The following PI4K2A variants were observed in gnomAD, a reference collection of about 807,000 sequenced individuals.
PI4K2A encodes phosphatidylinositol 4-kinase type 2 alpha.
A neutral mutation model predicts 55.0 loss-of-function variants in PI4K2A; 20 were observed. The observed-to-expected ratio is 0.36, with a 90% CI of 0.26 to 0.53. PI4K2A has a LOEUF of 0.53. PI4K2A is among the 20% of genes least tolerant of loss of function. The probability of loss-of-function intolerance (pLI) is 0.91; values close to 1 mark genes in which losing one functional copy is unlikely to be tolerated. For missense variants in PI4K2A, 463 were observed against 637.1 expected, an observed-to-expected ratio of 0.73 and a Z score of 2.94; for synonymous variants, 235 against 258.5, an observed-to-expected ratio of 0.91 and a Z score of 0.87.
chr10:97,656,150 G>T lies in PI4K2A; in HGVS notation c.637-135G>T. The T allele has an allele frequency of 1.4e-6, 1 of 717,280 alleles. No homozygotes were observed. The highest frequency in any genetic ancestry group is 2.3e-6 in the Non-Finnish European group (1 of 433,630). 44.4% of individuals were successfully genotyped at this position (717,280 alleles called of 1,614,324 possible). A position where few individuals can be genotyped will look rare whatever the true frequency, so the allele number is the denominator to read the frequency against. On this transcript the variant is annotated intron_variant, in intron 2 of 8. Coordinates refer to ENST00000370631, the Ensembl canonical transcript of PI4K2A. This position sits in a 1 kb window ranked among gnomAD's most constrained non-coding sequence, Gnocchi z 4.5. Reference sequence around the variant, plus strand: ...TCTTCCCTCTCCTAGTTGCTGGGAAGGCTGAGAAATGTATTCTTTCTGTGC... The same window carrying T: ...TCTTCCCTCTCCTAGTTGCTGGGAATGCTGAGAAATGTATTCTTTCTGTGC...
chr10:97,640,741 G>A (rs766373191), exon 1 of PI4K2A: 4 of 1,499,206 alleles, frequency 2.7e-6, no homozygotes, highest in South Asian at 2.5e-5. Context: ...GCTGTCTGAG[G>A]GATGGACGAG....
chr10:97,661,238 A>G (rs1383877096), intron 4 of PI4K2A, among the ~76,000 whole-genome samples: 1 of 151,748 alleles, frequency 6.6e-6, no homozygotes, highest in African/African-American at 2.4e-5. Flanking sequence ...TGATCCGCCC[A>G]CCTCGGCCTC....
At chr10:97,651,521 C>T (rs778214397) in intron 2 of PI4K2A, among the ~76,000 whole-genome samples, 42 of 152,200 alleles carry the variant, frequency 2.8e-4, no homozygotes, top group Non-Finnish European at 4.9e-4. Context: ...TGGCTGATGA[C>T]AGCTAAGAAC....
intron 4 of PI4K2A, 105 bp downstream of exon 4, chr10:97,657,079 C>T: frequency 1.8e-6 from 2 of 1,093,128 alleles, no homozygotes; most frequent in South Asian, 1.4e-5. Flanking sequence ...TGTCCAGACA[C>T]ATCATGTGTA....
intron 8 of PI4K2A, among the ~76,000 whole-genome samples, chr10:97,671,114 G>C (rs1176042181): frequency 6.6e-6 from 1 of 151,348 alleles, no homozygotes; most frequent in Non-Finnish European, 1.5e-5. Flanking sequence ...TCCAGCCTGG[G>C]CAAGAAGAGC....
At chr10:97,674,374 C>T (rs538183710) in exon 9 of PI4K2A, 12 of 152,408 alleles carry the variant, frequency 7.9e-5, no homozygotes, top group African/African-American at 2.9e-4. Context: ...AACAGTTCTC[C>T]TGGAAGGGAG....
intron 1 of PI4K2A, among the ~76,000 whole-genome samples, chr10:97,645,847 G>A (rs949892586): frequency 5.3e-5 from 8 of 151,800 alleles, no homozygotes; most frequent in African/African-American, 1.9e-4. Flanking sequence ...ACTGTGCCTG[G>A]ATGGTTTTAT....
chr10:97,650,071 G>T (rs761876420), intron 1 of PI4K2A, among the ~76,000 whole-genome samples: 1 of 152,078 alleles, frequency 6.6e-6, no homozygotes, highest in African/African-American at 2.4e-5. Context: ...AGATCCCGTA[G>T]GATAAATAGG....
At chr10:97,648,730 G>A (rs764043132) in intron 1 of PI4K2A, among the ~76,000 whole-genome samples, 26 of 152,148 alleles carry the variant, frequency 1.7e-4, no homozygotes, top group African/African-American at 3.4e-4. Flanking sequence ...CAGTGGACTC[G>A]TCAGTCATTC....
chr10:97,662,616 C>T (rs1450579418), intron 4 of PI4K2A, among the ~76,000 whole-genome samples: 1 of 152,196 alleles, frequency 6.6e-6, no homozygotes, highest in African/African-American at 2.4e-5. Flanking sequence ...CTCTCAAGCT[C>T]TTAGCCAGCT....
chr10:97,640,795 A>G, exon 1 of PI4K2A: 1 of 1,495,052 alleles, frequency 6.7e-7, no homozygotes, highest in Admixed American at 2.3e-5. Flanking sequence ...CCCCCGGACT[A>G]CACCTTCCCG....
intron 1 of PI4K2A, among the ~76,000 whole-genome samples, chr10:97,641,494 C>G (rs900869471): frequency 3.3e-5 from 5 of 152,164 alleles, no homozygotes; most frequent in African/African-American, 1.2e-4. Flanking sequence ...TACTTAGCTT[C>G]ACACTACTGG....
In PI4K2A at chr10:97,640,947, G is replaced by A; in HGVS notation, c.205G>A (p.Ala69Thr). The A allele has an allele frequency of 3.6e-6, 5 of 1,398,928 alleles. No individual in the cohort carries two copies. The South Asian group carries it at 6.3e-5, about 18-fold the overall frequency. 86.7% of individuals were successfully genotyped at this position (1,398,928 alleles called of 1,614,324 possible). Reference sequence around the variant, plus strand: ...ACTGTTGGATCGGGCCCGGGGCGCGGCGGCCCAGGGCCAGACCCAAACCGT... The same window carrying A: ...ACTGTTGGATCGGGCCCGGGGCGCGACGGCCCAGGGCCAGACCCAAACCGT... The change falls in exon 1 of 9, where the codon GCG (alanine) becomes ACG (threonine). Residue 69 changes from alanine to threonine, a missense_variant. Physicochemically the swap from Ala to Thr is moderately conservative, Grantham distance 58. Coordinates refer to ENST00000370631, the Ensembl canonical transcript of PI4K2A.
intron 1 of PI4K2A, 81 bp from the exon 2 acceptor site, chr10:97,650,860 T>G: frequency 9.6e-7 from 1 of 1,044,200 alleles, no homozygotes; most frequent in Non-Finnish European, 1.5e-6. Context: ...TGTCATTTCT[T>G]TCCAGATTCC....
intron 8 of PI4K2A, among the ~76,000 whole-genome samples, chr10:97,671,507 T>TGTACA (rs1393822908): frequency 6.6e-6 from 1 of 152,146 alleles, no homozygotes; most frequent in Non-Finnish European, 1.5e-5. Context: ...AGGAACTCTT[T>TGTACA]GTACAATCTG....
chr10:97,660,996 T>C (rs2041580155), intron 4 of PI4K2A, among the ~76,000 whole-genome samples: 1 of 151,924 alleles, frequency 6.6e-6, no homozygotes, highest in Non-Finnish European at 1.5e-5. Flanking sequence ...TTTATTTTTA[T>C]TTTATATTTT....
At chr10:97,642,591 A>T (rs966137589) in intron 1 of PI4K2A, among the ~76,000 whole-genome samples, 1 of 151,506 alleles carries the variant, frequency 6.6e-6, no homozygotes, top group African/African-American at 2.4e-5. Flanking sequence ...AGTAGAGACC[A>T]TGTTGGCCAG....
At chr10:97,642,828 TTCCTTCCTTCCTTCCTTCCTTC>T (rs1564772205) in intron 1 of PI4K2A, among the ~76,000 whole-genome samples, 27 of 4,732 alleles carry the variant, frequency 5.7e-3, no homozygotes, top group South Asian at 0.033. Flanking sequence ...CCTTCCTTCC[TTCCTTCCTTCCTTCCTTCCTTC>T]CTTTCTTTCT....
At position 97,656,691 on chromosome 10, in the gene PI4K2A, A is replaced by G. The variant is rs1056536021; in HGVS notation, c.769-130A>G. The G allele has an allele frequency of 3.7e-6, 3 of 818,690 alleles. No homozygotes were observed. In the Admixed American group the frequency reaches 6.8e-5, roughly 19 times the overall value. 50.7% of individuals were successfully genotyped at this position (818,690 alleles called of 1,614,324 possible). A position where few individuals can be genotyped will look rare whatever the true frequency, so the allele number is the denominator to read the frequency against. ...CTGTACTTGCAAGAAATGAGGAAGTAAAGATCTTGAAAAGTTTTCCTTCTC... is the reference window on the plus strand; with the variant it reads ...CTGTACTTGCAAGAAATGAGGAAGTGAAGATCTTGAAAAGTTTTCCTTCTC... On this transcript the variant is annotated intron_variant, in intron 3 of 8. Transcript: ENST00000370631. The surrounding 1 kb of genome is among the most constrained non-coding windows in gnomAD (Gnocchi z 4.5).
Sources: gnomAD v4.1 joint callset for allele counts (sites outside exome capture counted in the v4.1 genomes callset) on GRCh38, gnomAD v4.1.1 for gene constraint, Gnocchi (gnomAD v3.1) non-coding constraint, MANE v1.5 for transcripts, NCBI Gene and HGNC (gene_info 2026-07-23, HGNC 2026-07-21) for gene names.